Variants in SLC16A2 observed in about 807,000 individuals in gnomAD.
The protein encoded by SLC16A2 is solute carrier family 16 member 2, also known as monocarboxylate transporter 8.
In SLC16A2, 3 loss-of-function variants were observed where a neutral mutation model predicts 27.2. The observed-to-expected ratio is 0.11, with a 90% confidence interval of 0.05 to 0.28. SLC16A2 has a LOEUF of 0.28. Ranked by LOEUF, SLC16A2 falls within the 10% of genes least tolerant of loss-of-function variation. SLC16A2 has a pLI of 1.00. For synonymous variants in SLC16A2, 202 were observed against 187.8 expected (o/e 1.08, Z -0.62); for missense variants, 295 against 458.5 (o/e 0.64, Z 3.26).
intron 1 of SLC16A2, among the ~76,000 whole-genome samples, chrX:74,446,881 A>G (rs1388289618): frequency 8.9e-6 from 1 of 112,443 alleles, no homozygotes; most frequent in Non-Finnish European, 1.9e-5. Flanking sequence ...GCAGCAGAAG[A>G]AAATTAAGCC....
intron 1 of SLC16A2, 116 bp downstream of exon 1, chrX:74,422,183 C>T (rs1928315528): frequency 1.5e-6 from 1 of 687,100 alleles, no homozygotes; most frequent in Non-Finnish European, 2.3e-6. Context: ...TCCGACTCCT[C>T]CCCTTACCCC....
At chrX:74,510,260 C>G (rs759828120) in intron 1 of SLC16A2, among the ~76,000 whole-genome samples, 13 of 111,675 alleles carry the variant, frequency 1.2e-4, no homozygotes, top group Non-Finnish European at 2.3e-4. Context: ...TGGCCTGTTT[C>G]CCATACTTTC....
intron 1 of SLC16A2, among the ~76,000 whole-genome samples, chrX:74,485,875 G>A (rs1462328822): frequency 9.0e-6 from 1 of 111,170 alleles, no homozygotes; most frequent in East Asian, 2.8e-4. Context: ...TCAGAAGTGG[G>A]TCTGGGATGG....
intron 1 of SLC16A2, among the ~76,000 whole-genome samples, chrX:74,509,633 G>A (rs773863347): frequency 2.3e-4 from 26 of 110,899 alleles, no homozygotes; most frequent in Non-Finnish European, 4.2e-4. Context: ...GCGCAATCTC[G>A]GCTCACTGCA....
intron 1 of SLC16A2, among the ~76,000 whole-genome samples, chrX:74,489,423 G>A (rs1929782437): frequency 9.0e-6 from 1 of 111,692 alleles, no homozygotes; most frequent in Admixed American, 9.5e-5. Context: ...AAGCATGAAA[G>A]CACTTGATCA....
intron 1 of SLC16A2, among the ~76,000 whole-genome samples, chrX:74,422,700 G>C (rs1232138989): frequency 8.9e-6 from 1 of 112,265 alleles, no homozygotes; most frequent in Non-Finnish European, 1.9e-5. Flanking sequence ...CCGCCGTTAC[G>C]GCCCAGCTGG....
intron 1 of SLC16A2, among the ~76,000 whole-genome samples, chrX:74,423,661 G>A (rs762542617): frequency 8.9e-6 from 1 of 112,032 alleles, no homozygotes; most frequent in East Asian, 2.8e-4. Flanking sequence ...CAACTTCTGC[G>A]GGGAAGATGG....
chrX:74,500,288 A>G (rs1930008698), intron 1 of SLC16A2, among the ~76,000 whole-genome samples: 1 of 111,529 alleles, frequency 9.0e-6, no homozygotes, highest in African/African-American at 3.3e-5. Flanking sequence ...TCCAGGGAAC[A>G]CAGGGCATTT....
chrX:74,499,645 G>A (rs1929994560), intron 1 of SLC16A2, among the ~76,000 whole-genome samples: 1 of 110,057 alleles, frequency 9.1e-6, no homozygotes, highest in South Asian at 3.9e-4. Context: ...GTAGAGATGG[G>A]GTTTTGCCAT....
intron 1 of SLC16A2, among the ~76,000 whole-genome samples, chrX:74,463,078 C>T (rs940813019): frequency 4.5e-5 from 5 of 111,388 alleles, no homozygotes; most frequent in Non-Finnish European, 7.5e-5. Flanking sequence ...ATATACACAA[C>T]TCTAGAGATT....
At chrX:74,441,109 G>C (rs1258597800) in intron 1 of SLC16A2, among the ~76,000 whole-genome samples, 1 of 108,944 alleles carries the variant, frequency 9.2e-6, no homozygotes, top group Non-Finnish European at 1.9e-5. Flanking sequence ...CCAGGCTAGA[G>C]TGCAGTGACA....
At chrX:74,476,736 CAT>C (rs1446795783) in intron 1 of SLC16A2, among the ~76,000 whole-genome samples, 1 of 111,977 alleles carries the variant, frequency 8.9e-6, no homozygotes, top group Non-Finnish European at 1.9e-5. Flanking sequence ...ATGAGATAAT[CAT>C]GTGGTTTTTG....
intron 1 of SLC16A2, among the ~76,000 whole-genome samples, chrX:74,427,823 A>G (rs1358331565): frequency 1.7e-3 from 191 of 109,647 alleles, no homozygotes; most frequent in Non-Finnish European, 2.6e-3. Context: ...ACACACACAC[A>G]CACACACACA....
intron 1 of SLC16A2, among the ~76,000 whole-genome samples, chrX:74,444,719 A>G (rs970170502): frequency 3.6e-5 from 4 of 112,224 alleles, no homozygotes; most frequent in Non-Finnish European, 7.5e-5. Context: ...ACCTGGAAAT[A>G]CTTGGCGAGC....
chrX:74,440,400 C>T (rs1372636164), intron 1 of SLC16A2, among the ~76,000 whole-genome samples: 1 of 109,761 alleles, frequency 9.1e-6, no homozygotes, highest in Non-Finnish European at 1.9e-5. Context: ...TGTATGTGTT[C>T]TGTTTTGTTT....
intron 1 of SLC16A2, among the ~76,000 whole-genome samples, chrX:74,515,574 C>T (rs1278729557): frequency 2.7e-5 from 3 of 111,392 alleles, no homozygotes; most frequent in African/African-American, 9.8e-5. Context: ...AGAGAATAAA[C>T]TCAAAGAACT....
chrX:74,498,315 A>G (rs1456378836), intron 1 of SLC16A2, among the ~76,000 whole-genome samples: 1 of 111,406 alleles, frequency 9.0e-6, no homozygotes. Context: ...TGGTCTTCTG[A>G]GATATTTTTC....
At chrX:74,492,432 G>A (rs1929846507) in intron 1 of SLC16A2, among the ~76,000 whole-genome samples, 1 of 110,826 alleles carries the variant, frequency 9.0e-6, no homozygotes, top group Non-Finnish European at 1.9e-5. Context: ...ACATGTCCAG[G>A]ACCCTCTATC....
intron 1 of SLC16A2, among the ~76,000 whole-genome samples, chrX:74,435,062 C>T (rs1261629050): frequency 2.7e-5 from 3 of 109,199 alleles, no homozygotes; most frequent in African/African-American, 1.0e-4. Flanking sequence ...GAACTCCTGA[C>T]CTTGTGATCC....
Sources: gnomAD v4.1 joint callset for allele counts (sites outside exome capture counted in the v4.1 genomes callset) on GRCh38, gnomAD v4.1.1 for gene constraint, MANE v1.5 for transcripts, NCBI Gene and HGNC (gene_info 2026-07-23, HGNC 2026-07-21) for gene names.